The following JAK2 variants were observed in gnomAD, a reference collection of about 807,000 sequenced individuals.
JAK2 encodes the protein tyrosine-protein kinase JAK2.
A neutral mutation model predicts 139.3 loss-of-function variants in JAK2; 86 were observed. The observed-to-expected ratio is 0.62, with a 90% confidence interval of 0.52 to 0.74. JAK2 has a LOEUF of 0.74. Among genes scored for constraint, JAK2 ranks in the 30% least tolerant of loss-of-function variants. JAK2 has a pLI of 0.00. For synonymous variants in JAK2, 490 were observed against 437.7 expected (o/e 1.12, Z -1.49); for missense variants, 1,421 against 1,360.3 (o/e 1.04, Z -0.70).
chr9:5,071,706 A>G (rs577262667), intron 12 of JAK2, among the ~76,000 whole-genome samples: 1 of 152,308 alleles, frequency 6.6e-6, no homozygotes, highest in East Asian at 1.9e-4. Flanking sequence ...TCTGAGCTCT[A>G]TAAGGAGACA....
rs2130412679 is a variant in JAK2 at position 5,054,869 on chromosome 9, G to C, written c.921G>C (p.Glu307Asp). ...QWSRGKHKESETLTEQDLQLY... is the reference protein window; with the variant it reads ...QWSRGKHKESDTLTEQDLQLY... ...CAAGAGGGAAACATAAAGAAAGTGA[G>C]ACACTGACAGAACAGGTAATCCTTA... is the stretch of plus-strand genomic sequence containing the variant. The change falls in exon 7 of 25, where the codon GAG becomes GAC. Residue 307 changes from glutamate to aspartate, a missense_variant. By Grantham distance (45) the Glu-to-Asp change is conservative (BLOSUM62 2). Transcript: ENST00000381652. This position sits in a 1 kb window ranked among gnomAD's most constrained non-coding sequence, Gnocchi z 4.9. The C allele has an allele frequency of 6.2e-7, 1 of 1,600,046 alleles. No homozygotes were observed. Among genetic ancestry groups the C allele is most frequent in the Non-Finnish European group, 8.5e-7 (1 of 1,172,404 alleles).
At chr9:5,113,984 G>T (rs1034956586) in intron 22 of JAK2, 2 of 267,946 alleles carry the variant, frequency 7.5e-6, no homozygotes, top group Non-Finnish European at 7.5e-6. Flanking sequence ...GCATCACCTG[G>T]CTGGAGGATG....
rs1362368983 is a variant in JAK2, at chr9:5,129,191, G to C, written c.*2400G>C. On this transcript the variant is annotated 3_prime_UTR_variant, in exon 25 of 25. Transcript: ENST00000381652. ...GTTCTGTATCTATAGAGCCAATCTT[G>C]ATGGTGGGTGTGGCATTATGTGCTC... Among the ~76,000 whole-genome samples the C allele has an allele frequency of 1.3e-5, 2 of 152,178 alleles. No homozygotes were observed. Among genetic ancestry groups the C allele is most frequent in the Admixed American group, 6.5e-5 (1 of 15,284 alleles).
At chr9:5,037,441 A>G (rs1428045360) in intron 4 of JAK2, among the ~76,000 whole-genome samples, 1 of 152,238 alleles carries the variant, frequency 6.6e-6, no homozygotes, top group Non-Finnish European at 1.5e-5. Flanking sequence ...ACAATAACAA[A>G]GACTTGGAAC....
chr9:4,994,714 T>C (rs1188795006), intron 2 of JAK2, among the ~76,000 whole-genome samples: 1 of 152,054 alleles, frequency 6.6e-6, no homozygotes, highest in East Asian at 1.9e-4. Flanking sequence ...CTGGCTAAAT[T>C]TGGTATGTGT....
chr9:5,023,105 T>A (rs1026051089), intron 3 of JAK2, among the ~76,000 whole-genome samples: 3 of 152,180 alleles, frequency 2.0e-5, no homozygotes, highest in African/African-American at 7.2e-5. Flanking sequence ...CATTTGAACT[T>A]GTTCCTTCTG....
chr9:5,099,387 A>T (rs1010847103), intron 22 of JAK2: 3 of 152,236 alleles, frequency 2.0e-5, no homozygotes, highest in Admixed American at 2.0e-4. Context: ...GACGGAGTCT[A>T]CACCTCTCTG....
intron 22 of JAK2, among the ~76,000 whole-genome samples, chr9:5,102,863 C>T (rs1821620642): frequency 6.6e-6 from 1 of 152,064 alleles, no homozygotes; most frequent in Admixed American, 6.6e-5. Context: ...TTGTCATTAC[C>T]AGGCCTGCCT....
At chr9:5,116,843 A>G (rs1243919961) in intron 22 of JAK2, among the ~76,000 whole-genome samples, 3 of 152,252 alleles carry the variant, frequency 2.0e-5, no homozygotes, top group African/African-American at 7.2e-5. Context: ...AGTCATATGT[A>G]TAATATGGCA....
chr9:5,112,726 C>T (rs1452491663), intron 22 of JAK2: 4 of 761,374 alleles, frequency 5.3e-6, no homozygotes, highest in South Asian at 3.5e-5. Context: ...ACCTGAATCC[C>T]AAAACAGCCT....
intron 22 of JAK2, chr9:5,110,848 G>C (rs540317864): frequency 4.2e-6 from 2 of 471,530 alleles, no homozygotes; most frequent in East Asian, 1.0e-4. Context: ...AGGTGGGGGG[G>C]ACGCTTCATG....
At chr9:5,069,340 A>G (rs754577799) in intron 11 of JAK2, 132 bp downstream of exon 11, 32 of 607,766 alleles carry the variant, frequency 5.3e-5, no homozygotes, top group Admixed American at 5.1e-4. Context: ...ATCTTATTCT[A>G]TTGTACAAGC....
intron 8 of JAK2, 109 bp from the exon 9 acceptor site, chr9:5,064,774 A>G: frequency 1.4e-6 from 1 of 731,126 alleles, no homozygotes; most frequent in Non-Finnish European, 2.1e-6. Flanking sequence ...AAAAGATATG[A>G]GCAATTTAGA....
chr9:5,071,179 G>T (rs1355057574), intron 12 of JAK2, among the ~76,000 whole-genome samples: 1 of 152,090 alleles, frequency 6.6e-6, no homozygotes, highest in Non-Finnish European at 1.5e-5. Context: ...TGTGGTGCTT[G>T]GAAGAAACAA....
chr9:5,126,111 G>A lies in JAK2; in HGVS notation c.3178-222G>A, dbSNP rs188889205. The A allele has an allele frequency of 1.8e-4, 73 of 398,228 alleles. No homozygotes were observed. In the East Asian group the frequency reaches 2.3e-3, roughly 13 times the overall value. 24.7% of individuals were successfully genotyped at this position (398,228 alleles called of 1,614,324 possible). A position where few individuals can be genotyped will look rare whatever the true frequency, so the allele number is the denominator to read the frequency against. Reference sequence around the variant, plus strand: ...CATGTGTTTTGAGCCCTCCTCAGGGGATTTGTGTTGAGTTTATTACAGCTA... The same window carrying A: ...CATGTGTTTTGAGCCCTCCTCAGGGAATTTGTGTTGAGTTTATTACAGCTA... On this transcript the variant is annotated intron_variant, in intron 23 of 24. Transcript: ENST00000381652.
At chr9:5,063,555 C>A (rs1055687957) in intron 8 of JAK2, among the ~76,000 whole-genome samples, 4 of 152,016 alleles carry the variant, frequency 2.6e-5, no homozygotes, top group Non-Finnish European at 5.9e-5. Context: ...CTAGGTACAG[C>A]CTCTGGTATT....
intron 6 of JAK2, among the ~76,000 whole-genome samples, chr9:5,052,694 G>A (rs368085213): frequency 3.3e-5 from 5 of 152,086 alleles, no homozygotes; most frequent in South Asian, 2.1e-4. Flanking sequence ...TTTTGTTTGC[G>A]TGGATTTTCC....
chr9:5,115,035 A>G (rs912134738), intron 22 of JAK2, among the ~76,000 whole-genome samples: 1 of 152,190 alleles, frequency 6.6e-6, no homozygotes, highest in African/African-American at 2.4e-5. Context: ...TAAAACACCA[A>G]AAGCAATGGC....
At chr9:5,049,255 T>C (rs1444977800) in intron 5 of JAK2, among the ~76,000 whole-genome samples, 2 of 152,194 alleles carry the variant, frequency 1.3e-5, no homozygotes, top group African/African-American at 4.8e-5. Context: ...AGAGACATGA[T>C]GAAAACAGAT....
Sources: gnomAD v4.1 joint callset for allele counts (sites outside exome capture counted in the v4.1 genomes callset) on GRCh38, gnomAD v4.1.1 for gene constraint, Gnocchi (gnomAD v3.1) non-coding constraint, MANE v1.5 for transcripts, NCBI Gene and HGNC (gene_info 2026-07-23, HGNC 2026-07-21) for gene names.